The following PALS1 variants were observed in gnomAD, a reference collection of about 807,000 sequenced individuals.
PALS1 encodes protein associated with LIN7 1, MAGUK p55 family member, also known as protein PALS1.
A neutral mutation model predicts 78.9 loss-of-function variants in PALS1; 31 were observed. The ratio of observed to expected loss-of-function variants is 0.39; its 90% CI spans 0.30 to 0.53. PALS1 has a LOEUF of 0.53. Among genes scored for constraint, PALS1 ranks in the 20% least tolerant of loss-of-function variants. The pLI, the probability that PALS1 is intolerant of heterozygous loss-of-function variation, is 0.67. For synonymous variants in PALS1, 276 were observed against 270.9 expected, an observed-to-expected ratio of 1.02 and a Z score of -0.18; for missense variants, 704 against 826.5, an observed-to-expected ratio of 0.85 and a Z score of 1.82.
At chr14:67,257,872 C>T (rs1305573123) in intron 1 of PALS1, among the ~76,000 whole-genome samples, 5 of 152,036 alleles carry the variant, frequency 3.3e-5, no homozygotes, top group African/African-American at 9.7e-5. Flanking sequence ...CACAACTATA[C>T]GTACAACACA....
At chr14:67,271,253 CCTTTA>C (rs1358554175) in intron 2 of PALS1, 10 of 152,128 alleles carry the variant, frequency 6.6e-5, no homozygotes, top group African/African-American at 1.7e-4. Flanking sequence ...CCCATATTTC[CCTTTA>C]CTTCTATCTG....
chr14:67,310,038 T>TA (rs1555338855), intron 8 of PALS1, among the ~76,000 whole-genome samples: 2 of 150,840 alleles, frequency 1.3e-5, no homozygotes, highest in African/African-American at 4.9e-5. Flanking sequence ...CTAGAAGTAT[T>TA]ATTGATAGGA....
chr14:67,309,038 G>C lies in PALS1; in HGVS notation c.1042-3489G>C, dbSNP rs541108062. On this transcript the variant is annotated intron_variant, in intron 8 of 14. Coordinates refer to ENST00000261681, the MANE Select transcript of PALS1 (RefSeq NM_022474.4). ...GGAAAAAGAAAATGTTGGGCTGGAA[G>C]ATAATTGCGTCCAAACAGTTCTACA... 2.0e-5 allele frequency among the ~76,000 whole-genome samples: 3 copies of C among 152,252 alleles called. No individual in the cohort carries two copies. The South Asian group carries it at 6.2e-4, about 32-fold the overall frequency.
intron 1 of PALS1, among the ~76,000 whole-genome samples, chr14:67,263,125 C>T (rs2084264542): frequency 6.6e-6 from 1 of 152,062 alleles, no homozygotes; most frequent in African/African-American, 2.4e-5. Flanking sequence ...TTCCAAAGGC[C>T]TTCAATTTTG....
chr14:67,269,857 T>TTA (rs1341082486), intron 2 of PALS1, 74 bp downstream of exon 2: 2 of 152,484 alleles, frequency 1.3e-5, no homozygotes, highest in Admixed American at 1.3e-4. Flanking sequence ...AACAAATAGT[T>TTA]TAACCTCTTA....
chr14:67,268,274 T>C (rs1174728886), intron 1 of PALS1, among the ~76,000 whole-genome samples: 3 of 152,218 alleles, frequency 2.0e-5, no homozygotes, highest in African/African-American at 7.2e-5. Context: ...TGTTATTTCA[T>C]TGTGTATTTT....
intron 2 of PALS1, among the ~76,000 whole-genome samples, chr14:67,275,581 CTT>C (rs879217212): frequency 1.3e-5 from 2 of 151,876 alleles, no homozygotes; most frequent in East Asian, 3.8e-4. Flanking sequence ...CTAAAATTCT[CTT>C]TTTTTTGTTG....
At chr14:67,304,749 A>C (rs2084976373) in intron 8 of PALS1, among the ~76,000 whole-genome samples, 1 of 152,218 alleles carries the variant, frequency 6.6e-6, no homozygotes, top group African/African-American at 2.4e-5. Flanking sequence ...AATAAACTAA[A>C]ACCATCCAAT....
intron 12 of PALS1, 45 bp from the exon 13 acceptor site, chr14:67,321,012 A>C (rs751713582): frequency 6.6e-7 from 1 of 1,526,254 alleles, no homozygotes; most frequent in East Asian, 2.3e-5. Flanking sequence ...CCCTGTCCTC[A>C]CTCTAAGCCA....
At chr14:67,242,639 T>A (rs972165412) in intron 1 of PALS1, among the ~76,000 whole-genome samples, 6 of 152,128 alleles carry the variant, frequency 3.9e-5, no homozygotes, top group Admixed American at 6.6e-5. Flanking sequence ...TTTTTTTTTT[T>A]ACTAGATCCC....
Position 67,316,767 on chromosome 14 carries a change from T to TAA in PALS1, c.1226-56_1226-55dup, listed in dbSNP as rs5809338. ...ATGTCTAGTGTTTTCCCTTCTTGAT[T>TAA]AAAAAAAAAATTCTTATCCTTTTAT... On this transcript the variant is annotated intron_variant, in intron 9 of 14. Transcript: ENST00000261681. The TAA allele has an allele frequency of 2.8e-4, 356 of 1,281,460 alleles. No homozygotes were observed. In the East Asian group the frequency reaches 2.8e-3, roughly 10 times the overall value. 79.4% of individuals were successfully genotyped at this position (1,281,460 alleles called of 1,614,324 possible).
chr14:67,327,299 A>G (rs1312712863), intron 14 of PALS1, among the ~76,000 whole-genome samples: 1 of 152,130 alleles, frequency 6.6e-6, no homozygotes, highest in Non-Finnish European at 1.5e-5. Flanking sequence ...TGCCGGATCA[A>G]GTGAGGTAAA....
chr14:67,335,645 A>C lies in PALS1; in HGVS notation c.*2689A>C, dbSNP rs1047077894. ...GAATGATTTGAATGTAATTTTGTGA[A>C]TGTGTGGAAAATATAAAGCAGGGAT... On this transcript the variant is annotated 3_prime_UTR_variant, in exon 15 of 15. Transcript: ENST00000261681. 5 of 152,658 alleles carry C rather than the reference A, an allele frequency of 3.3e-5. No homozygotes were observed. Among genetic ancestry groups the C allele is most frequent in the African/African-American group, 9.6e-5 (4 of 41,456 alleles). The allele number at this position is 152,658 out of a possible 1,614,324, so 9.5% of individuals were successfully genotyped here.
Position 67,303,578 on chromosome 14 carries a change from G to A in PALS1, c.1020G>A (p.Pro340=). The A allele has an allele frequency of 6.2e-6, 10 of 1,613,352 alleles. No homozygotes were observed. The highest frequency in any genetic ancestry group is 1.7e-5 in the Admixed American group (1 of 60,004). ...FVLIPSQQIK[P]PPAKETVIHV... ...TGATTCCCAGTCAACAGATCAAGCC[G>A]CCTCCTGCCAAGGAAACAGTAGTAA... The change falls in exon 8 of 15, where the codon CCG becomes CCA. Residue 340 remains proline, a synonymous_variant. Coordinates refer to ENST00000261681, the MANE Select transcript of PALS1 (RefSeq NM_022474.4).
At chr14:67,295,592 A>G (rs1259480809) in intron 4 of PALS1, among the ~76,000 whole-genome samples, 1 of 152,190 alleles carries the variant, frequency 6.6e-6, no homozygotes, top group Non-Finnish European at 1.5e-5. Flanking sequence ...CCAAATGGCC[A>G]ATAGCAATGA....
intron 3 of PALS1, among the ~76,000 whole-genome samples, chr14:67,284,442 A>AAAAAAAAAAAAAAAAAC (rs890593561): frequency 7.0e-6 from 1 of 142,768 alleles, no homozygotes; most frequent in Non-Finnish European, 1.6e-5. Context: ...AAAAAAAAAA[A>AAAAAAAAAAAAAAAAAC]AACAGCTGGG....
chr14:67,255,513 CCTAAATA>C (rs1441784549), intron 1 of PALS1, among the ~76,000 whole-genome samples: 8 of 152,150 alleles, frequency 5.3e-5, no homozygotes, highest in African/African-American at 1.9e-4. Context: ...TTGAGGAATT[CCTAAATA>C]CTAAAGAGCC....
At chr14:67,330,325 A>G (rs1245363228) in intron 14 of PALS1, among the ~76,000 whole-genome samples, 1 of 151,494 alleles carries the variant, frequency 6.6e-6, no homozygotes, top group Non-Finnish European at 1.5e-5. Context: ...TAATTTTTAA[A>G]CTCTTCTTTT....
At chr14:67,318,486 T>C (rs2085212664) in intron 11 of PALS1, among the ~76,000 whole-genome samples, 1 of 152,218 alleles carries the variant, frequency 6.6e-6, no homozygotes, top group Non-Finnish European at 1.5e-5. Flanking sequence ...TACTGTACTG[T>C]AGAAAACGTG....
Sources: allele counts gnomAD v4.1 joint callset (sites outside exome capture counted in the v4.1 genomes callset), GRCh38; gene constraint gnomAD v4.1.1; transcripts MANE v1.5; gene names NCBI Gene and HGNC (gene_info 2026-07-23, HGNC 2026-07-21).